The following FRA10AC1 variants were observed in gnomAD, a reference collection of about 807,000 sequenced individuals.
FRA10AC1 encodes the protein FRA10A associated CGG repeat 1.
In FRA10AC1, 43 loss-of-function variants were observed where a neutral mutation model predicts 56.5. The ratio of observed to expected loss-of-function variants is 0.76; its 90% CI spans 0.60 to 0.98. The LOEUF is 0.98. Among genes scored for constraint, FRA10AC1 ranks in the 50% least tolerant of loss-of-function variants. FRA10AC1 has a pLI of 0.00. For missense variants in FRA10AC1, 346 were observed against 351.8 expected (o/e 0.98, Z 0.13); for synonymous variants, 112 against 110.5 (o/e 1.01, Z -0.09).
chr10:93,693,726 T>C (rs1348520088), intron 5 of FRA10AC1, among the ~76,000 whole-genome samples: 1 of 139,926 alleles, frequency 7.1e-6, no homozygotes, highest in Non-Finnish European at 1.6e-5. Flanking sequence ...ATATATACCA[T>C]GGAATACTAC....
intron 4 of FRA10AC1, among the ~76,000 whole-genome samples, chr10:93,695,334 AAATAT>A (rs2133938295): frequency 6.6e-6 from 1 of 151,842 alleles, no homozygotes; most frequent in South Asian, 2.1e-4. Context: ...CATTATCATA[AAATAT>A]AATTTATCTA....
chr10:93,685,841 C>T (rs2059017860), intron 8 of FRA10AC1, among the ~76,000 whole-genome samples: 1 of 151,654 alleles, frequency 6.6e-6, no homozygotes, highest in African/African-American at 2.4e-5. Context: ...AGCATAATGA[C>T]ATTTATTTTA....
Position 93,692,032 on chromosome 10 carries a change from GA to G in FRA10AC1, c.441del (p.Leu148SerfsTer15). The G allele has an allele frequency of 6.4e-7, 1 of 1,574,788 alleles. No homozygotes were observed. Among genetic ancestry groups the G allele is most frequent in the Non-Finnish European group, 8.6e-7 (1 of 1,163,312 alleles). ...ACCTTATTTTCTTTATATTTACTGAGATCTGCTATGCAGTATTCCTTAAATA... is the reference window on the plus strand; with the variant it reads ...ACCTTATTTTCTTTATATTTACTGAGTCTGCTATGCAGTATTCCTTAAATA... The part of the protein sequence containing the change: ...DKLFKEYCIA[D>X]LSKYKENKFG... On this transcript the variant is annotated frameshift_variant, in exon 7 of 14. Coordinates refer to ENST00000359204, the MANE Select transcript of FRA10AC1 (RefSeq NM_145246.5). LOFTEE classifies it high-confidence loss of function.
chr10:93,692,781 T>C (rs748747405), intron 5 of FRA10AC1, 52 bp from the exon 6 acceptor site: 2 of 1,173,470 alleles, frequency 1.7e-6, no homozygotes, highest in Non-Finnish European at 2.4e-6. Flanking sequence ...TAGTCAAATT[T>C]AGGTTAAATA....
At chr10:93,676,782 T>C (rs981662869) in intron 11 of FRA10AC1, 91 bp from the exon 12 acceptor site, 2 of 1,430,010 alleles carry the variant, frequency 1.4e-6, no homozygotes, top group African/African-American at 2.9e-5. Context: ...AATATTCTAG[T>C]TTGCTTATAG....
chr10:93,693,061 T>C (rs2059151041), intron 5 of FRA10AC1, among the ~76,000 whole-genome samples: 1 of 152,034 alleles, frequency 6.6e-6, no homozygotes, highest in Non-Finnish European at 1.5e-5. Flanking sequence ...AGTTTCATTC[T>C]AACCAACCAC....
intron 5 of FRA10AC1, 41 bp from the exon 6 acceptor site, chr10:93,692,770 G>A: frequency 7.3e-7 from 1 of 1,376,484 alleles, no homozygotes. Context: ...AAAAACAAAA[G>A]TAGTCAAATT....
intron 12 of FRA10AC1, 93 bp downstream of exon 12, chr10:93,676,560 T>A (rs2058843801): frequency 7.1e-7 from 1 of 1,412,068 alleles, no homozygotes; most frequent in Admixed American, 3.6e-5. Context: ...AAACAAAAAA[T>A]AATTCACATC....
intron 11 of FRA10AC1, among the ~76,000 whole-genome samples, chr10:93,679,981 T>C (rs2058905543): frequency 6.6e-6 from 1 of 152,176 alleles, no homozygotes; most frequent in South Asian, 2.1e-4. Flanking sequence ...AACATAGGTG[T>C]CATCTACTGA....
At chr10:93,696,694 G>A (rs1013515834) in intron 4 of FRA10AC1, among the ~76,000 whole-genome samples, 5 of 152,150 alleles carry the variant, frequency 3.3e-5, no homozygotes, top group Non-Finnish European at 7.3e-5. Flanking sequence ...GCAAAGACAT[G>A]GAACCAATCC....
At chr10:93,678,848 T>A (rs2058885808) in intron 11 of FRA10AC1, among the ~76,000 whole-genome samples, 1 of 103,020 alleles carries the variant, frequency 9.7e-6, no homozygotes, top group African/African-American at 3.0e-5. Flanking sequence ...CAAGACCCTG[T>A]CTTACAAAAA....
At chr10:93,681,624 A>G in intron 10 of FRA10AC1, 26 bp from the exon 11 acceptor site, 1 of 1,463,730 alleles carries the variant, frequency 6.8e-7, no homozygotes, top group Non-Finnish European at 9.0e-7. Context: ...TATAAAATTA[A>G]AGTTAACTTT....
At position 93,702,413 on chromosome 10, in the gene FRA10AC1, A is replaced by C. The variant is rs971124734; in HGVS notation, c.-39T>G. On this transcript the variant is annotated 5_prime_UTR_variant, in exon 1 of 14. Coordinates refer to ENST00000359204, the MANE Select transcript of FRA10AC1 (RefSeq NM_145246.5). ...CCCTGTGTGCCAAGTTCGCCCCCGGAGTCGTCGTTTCCTTCTTTCCCGGCA... is the reference window on the plus strand; with the variant it reads ...CCCTGTGTGCCAAGTTCGCCCCCGGCGTCGTCGTTTCCTTCTTTCCCGGCA... 1 of 163,350 alleles carries C rather than the reference A, an allele frequency of 6.1e-6. No individual in the cohort carries two copies. Among genetic ancestry groups the C allele is most frequent in the Non-Finnish European group, 1.3e-5 (1 of 75,372 alleles). 10.1% of individuals were successfully genotyped at this position (163,350 alleles called of 1,614,324 possible). A position where few individuals can be genotyped will look rare whatever the true frequency, so the allele number is the denominator to read the frequency against.
At chr10:93,683,429 C>T (rs753478647) in intron 10 of FRA10AC1, among the ~76,000 whole-genome samples, 1 of 152,012 alleles carries the variant, frequency 6.6e-6, no homozygotes, top group Non-Finnish European at 1.5e-5. Flanking sequence ...TGGCTCACTG[C>T]AACCTCTGCC....
At position 93,684,078 on chromosome 10, in the gene FRA10AC1, T is replaced by G. The variant is rs760164099; in HGVS notation, c.646A>C (p.Ile216Leu). Residue 216 changes from isoleucine (I) to leucine (L), a missense_variant, in exon 10 of 14, where the codon ATT (isoleucine) becomes CTT (leucine). Ile to Leu is a conservative substitution (Grantham distance 5). Transcript: ENST00000359204. ...VKLRLCQECSIKLNFHHRRKE... is the reference protein window; with the variant it reads ...VKLRLCQECSLKLNFHHRRKE... ...TACCTGTGATGGAAATTTAATTTAA[T>G]GGAACATTCTTGGCATAACCCTAAA... 1 of 1,607,248 alleles carries G rather than the reference T, an allele frequency of 6.2e-7. No individual in the cohort carries two copies. The highest frequency in any genetic ancestry group is 1.1e-5 in the South Asian group (1 of 90,760).
chr10:93,699,799 G>T (rs187362322), intron 2 of FRA10AC1, among the ~76,000 whole-genome samples: 2 of 152,308 alleles, frequency 1.3e-5, no homozygotes, highest in African/African-American at 2.4e-5. Flanking sequence ...CCAGAAATCT[G>T]AAACTCTTCT....
intron 11 of FRA10AC1, among the ~76,000 whole-genome samples, chr10:93,677,164 T>C (rs1217279993): frequency 6.6e-6 from 1 of 151,994 alleles, no homozygotes; most frequent in Non-Finnish European, 1.5e-5. Context: ...AAAACAAAAA[T>C]TCTCAGCTCT....
intron 7 of FRA10AC1, among the ~76,000 whole-genome samples, chr10:93,688,920 G>GA (rs748808121): frequency 6.6e-6 from 1 of 152,068 alleles, no homozygotes; most frequent in Non-Finnish European, 1.5e-5. Context: ...TTAACCTTGG[G>GA]AAAGTTACTT....
At position 93,680,118 on chromosome 10, in the gene FRA10AC1, A is replaced by G. The variant is rs2058908790; in HGVS notation, c.787+1362T>C. ...TGATCTACTTTGATTGTACTGAGTA[A>G]CATTTTATAAAGTAGAGACTAGTTC... On this transcript the variant is annotated intron_variant, in intron 11 of 13. Coordinates refer to ENST00000359204, the MANE Select transcript of FRA10AC1 (RefSeq NM_145246.5). Among the ~76,000 whole-genome samples the G allele has an allele frequency of 2.0e-5, 3 of 152,186 alleles. No individual in the cohort carries two copies. In the South Asian group the frequency reaches 6.2e-4, roughly 31 times the overall value.
Sources: allele counts gnomAD v4.1 joint callset (sites outside exome capture counted in the v4.1 genomes callset), GRCh38; gene constraint gnomAD v4.1.1; transcripts MANE v1.5; gene names NCBI Gene and HGNC (gene_info 2026-07-23, HGNC 2026-07-21).